Variants in PRDM11 observed in about 807,000 individuals in gnomAD.
PRDM11 encodes PR domain-containing protein 11.
In PRDM11, 20 loss-of-function variants were observed where a neutral mutation model predicts 97.8. The ratio of observed to expected loss-of-function variants is 0.20; its 90% CI spans 0.14 to 0.30. PRDM11 has a LOEUF of 0.30. Among genes scored for constraint, PRDM11 ranks in the 10% least tolerant of loss-of-function variants. PRDM11 has a pLI of 1.00. For synonymous variants in PRDM11, 599 were observed against 637.7 expected, an observed-to-expected ratio of 0.94 and a Z score of 0.91; for missense variants, 1,139 against 1,555.2, an observed-to-expected ratio of 0.73 and a Z score of 4.50.
intron 4 of PRDM11, among the ~76,000 whole-genome samples, chr11:45,203,846 C>G (rs535219059): frequency 6.6e-6 from 1 of 151,804 alleles, no homozygotes; most frequent in Non-Finnish European, 1.5e-5. Context: ...AGAAAATGGC[C>G]GAGAAGCTGT....
At chr11:45,146,019 C>T (rs1181033397), upstream of PRDM11, among the ~76,000 whole-genome samples, 1 of 152,208 alleles carries the variant, frequency 6.6e-6, no homozygotes, top group Admixed American at 6.5e-5. Flanking sequence ...AATCTCTCTC[C>T]CTCTGTAACA....
chr11:45,101,167 G>A (rs1051375389), intron 1 of PRDM11, among the ~76,000 whole-genome samples: 4 of 152,144 alleles, frequency 2.6e-5, no homozygotes, highest in African/African-American at 9.7e-5. Context: ...TGAGAGGAGA[G>A]AGCTAAGGAG....
At chr11:45,180,862 C>T (rs1461284031) in intron 1 of PRDM11, among the ~76,000 whole-genome samples, 1 of 151,814 alleles carries the variant, frequency 6.6e-6, no homozygotes, top group Non-Finnish European at 1.5e-5. Context: ...CCCCACCGCG[C>T]GCCCCCGGCC....
intron 1 of PRDM11, among the ~76,000 whole-genome samples, chr11:45,174,024 C>T (rs141359050): frequency 1.3e-5 from 2 of 152,318 alleles, no homozygotes; most frequent in East Asian, 3.9e-4. Context: ...CTTAGAACTC[C>T]TTTTCCTGCC....
intron 1 of PRDM11, among the ~76,000 whole-genome samples, chr11:45,125,903 TTCTG>T (rs1261685521): frequency 2.0e-5 from 3 of 152,196 alleles, no homozygotes; most frequent in Non-Finnish European, 2.9e-5. Context: ...CTTGTTAACT[TTCTG>T]TCTTGTTGAT....
At chr11:45,197,425 C>T (rs763803826) in intron 4 of PRDM11, among the ~76,000 whole-genome samples, 6 of 152,214 alleles carry the variant, frequency 3.9e-5, no homozygotes, top group Non-Finnish European at 5.9e-5. Context: ...ATCTACTGTA[C>T]AGCATAGAGC....
chr11:45,144,513 C>T (rs144876603), upstream of PRDM11, among the ~76,000 whole-genome samples: 5 of 152,360 alleles, frequency 3.3e-5, no homozygotes, highest in Admixed American at 3.3e-4. Context: ...CTCCTTACCT[C>T]ACTTCCAACT....
rs2135653324 is a variant in PRDM11, at chr11:45,134,440, C to T, written c.96+38539C>T. ...AGCAGACAGGTGTGGAGGCACAAGC[C>T]TGTAATTCCAGCACTTTGGGAGGCT... On this transcript the variant is annotated intron_variant, in intron 1 of 6. Transcript: ENST00000530656. 2.6e-5 allele frequency among the ~76,000 whole-genome samples: 4 copies of T among 152,242 alleles called. No homozygotes were observed. The South Asian group carries it at 8.3e-4, about 32-fold the overall frequency.
intron 4 of PRDM11, among the ~76,000 whole-genome samples, chr11:45,194,236 T>G (rs1853019963): frequency 6.6e-6 from 1 of 152,314 alleles, no homozygotes; most frequent in Middle Eastern, 3.4e-3. Flanking sequence ...CGCATATTGA[T>G]TTTTTTAAAT....
At chr11:45,224,981 G>T (rs1363933047) in intron 7 of PRDM11, 138 bp downstream of exon 7, 3 of 1,521,566 alleles carry the variant, frequency 2.0e-6, no homozygotes, top group African/African-American at 1.4e-5. Flanking sequence ...ACCTCCGTGG[G>T]TGGGAGCCCA....
intron 1 of PRDM11, among the ~76,000 whole-genome samples, chr11:45,165,864 C>G (rs76659257): frequency 0.013 from 1,936 of 152,320 alleles, 35 homozygotes; most frequent in African/African-American, 0.044. Flanking sequence ...CCTTCACTCC[C>G]TGCCGTGGAA....
At chr11:45,214,985 C>A (rs1853914753) in intron 5 of PRDM11, among the ~76,000 whole-genome samples, 1 of 152,228 alleles carries the variant, frequency 6.6e-6, no homozygotes, top group African/African-American at 2.4e-5. Flanking sequence ...TATTTCATTT[C>A]TCTGCTCAAA....
At chr11:45,181,567 G>A (rs1030078669) in intron 1 of PRDM11, among the ~76,000 whole-genome samples, 194 bp from the exon 2 acceptor site, 1 of 152,208 alleles carries the variant, frequency 6.6e-6, no homozygotes, top group African/African-American at 2.4e-5. Flanking sequence ...GGACCAGCCC[G>A]GGATAGAAAC....
At chr11:45,115,609 CAA>C (rs1852284062) in intron 1 of PRDM11, among the ~76,000 whole-genome samples, 1 of 152,160 alleles carries the variant, frequency 6.6e-6, no homozygotes, top group African/African-American at 2.4e-5. Flanking sequence ...TATAAGAAGA[CAA>C]AAAGTTATAT....
intron 1 of PRDM11, among the ~76,000 whole-genome samples, chr11:45,159,547 G>C (rs745573972): frequency 6.6e-6 from 1 of 152,222 alleles, no homozygotes; most frequent in African/African-American, 2.4e-5. Flanking sequence ...TCAAGGTCTT[G>C]TGGGACATCA....
At chr11:45,155,465 G>C (rs1051535407) in intron 1 of PRDM11, among the ~76,000 whole-genome samples, 1 of 152,188 alleles carries the variant, frequency 6.6e-6, no homozygotes, top group African/African-American at 2.4e-5. Context: ...GTTGCCGGGA[G>C]GTGGTTGGCT....
At chr11:45,146,267 C>A (rs1164227153), upstream of PRDM11, among the ~76,000 whole-genome samples, 1 of 152,174 alleles carries the variant, frequency 6.6e-6, no homozygotes, top group Non-Finnish European at 1.5e-5. Context: ...CGACTCCCCC[C>A]GACTATTTGG....
At chr11:45,164,125 G>A (rs1210367159) in intron 1 of PRDM11, among the ~76,000 whole-genome samples, 1 of 152,204 alleles carries the variant, frequency 6.6e-6, no homozygotes, top group Non-Finnish European at 1.5e-5. Context: ...TTCCTCCTGA[G>A]ATTGAGGTGA....
chr11:45,165,042 G>T (rs771879539), intron 1 of PRDM11, among the ~76,000 whole-genome samples: 12 of 152,272 alleles, frequency 7.9e-5, no homozygotes, highest in South Asian at 2.1e-4. Context: ...ATTTTATGTG[G>T]CAGGGGGCGG....
Sources: gnomAD v4.1 joint callset for allele counts (sites outside exome capture counted in the v4.1 genomes callset) on GRCh38, gnomAD v4.1.1 for gene constraint, MANE v1.5 for transcripts, NCBI Gene and HGNC (gene_info 2026-07-23, HGNC 2026-07-21) for gene names.